The following TENM3 variants were observed in gnomAD, a reference collection of about 807,000 sequenced individuals.
The protein encoded by TENM3 is teneurin-3.
A neutral mutation model predicts 255.1 loss-of-function variants in TENM3; 63 were observed. That is an observed-to-expected ratio of 0.25 (90% CI 0.20 to 0.30). TENM3 has a LOEUF of 0.30. Among genes scored for constraint, TENM3 ranks in the 10% least tolerant of loss-of-function variants. The probability of loss-of-function intolerance (pLI) is 1.00; values close to 1 mark genes in which losing one functional copy is unlikely to be tolerated. For missense variants in TENM3, 2,929 were observed against 3,461.1 expected (o/e 0.85, Z 3.86); for synonymous variants, 1,306 against 1,322.3 (o/e 0.99, Z 0.27).
chr4:182,067,082 GT>G, the TENM3 span, among the ~76,000 whole-genome samples: 1 of 152,098 alleles, frequency 6.6e-6, no homozygotes, highest in Non-Finnish European at 1.5e-5. Flanking sequence ...GGTCCTTTCT[GT>G]CTTTCCCCCT....
At chr4:182,100,816 T>TAC in the TENM3 span, among the ~76,000 whole-genome samples, 5 of 9,758 alleles carry the variant, frequency 5.1e-4, no homozygotes, top group African/African-American at 1.2e-3. Flanking sequence ...TACACATATA[T>TAC]ATACACATAT....
rs563623242 is a variant in TENM3 at position 182,432,947 on chromosome 4, A to C, written c.511+86018A>C. On this transcript the variant is annotated intron_variant, in intron 3 of 27. Transcript: ENST00000511685. The stretch of plus-strand genomic sequence containing the variant: ...GGTGATCTGCCTGCCTTGGCATCCC[A>C]AAGTGCTGGGATTACAGGCTTGAGC... Among the ~76,000 whole-genome samples, 3 of 150,720 alleles carry C rather than the reference A, an allele frequency of 2.0e-5. No homozygotes were observed. In the South Asian group the frequency reaches 6.3e-4, roughly 32 times the overall value.
intron 1 of TENM3, among the ~76,000 whole-genome samples, chr4:182,178,485 T>G (rs1752653154): frequency 6.6e-6 from 1 of 152,298 alleles, no homozygotes; most frequent in Admixed American, 6.5e-5. Context: ...TAAAGAAATA[T>G]GAACCTACAA....
intron 3 of TENM3, among the ~76,000 whole-genome samples, chr4:182,366,361 A>T (rs1766430072): frequency 6.6e-6 from 1 of 151,700 alleles, no homozygotes; most frequent in African/African-American, 2.4e-5. Context: ...ATTTATATGT[A>T]CAAATATAAT....
the TENM3 span, among the ~76,000 whole-genome samples, chr4:181,545,840 T>G: frequency 6.6e-6 from 1 of 151,448 alleles, no homozygotes; most frequent in South Asian, 2.1e-4. Context: ...TGACATACTT[T>G]GATTTGAAGA....
the TENM3 span, among the ~76,000 whole-genome samples, chr4:181,945,520 C>G: frequency 3.9e-5 from 6 of 152,012 alleles, no homozygotes; most frequent in East Asian, 1.2e-3. Flanking sequence ...AATTTTAGTT[C>G]CGATTGCCTG....
chr4:182,258,867 A>G (rs1427811548), intron 1 of TENM3, among the ~76,000 whole-genome samples: 1 of 152,192 alleles, frequency 6.6e-6, no homozygotes, highest in Non-Finnish European at 1.5e-5. Flanking sequence ...GAGAAGGACA[A>G]AGCTTTGGTT....
chr4:182,182,168 A>G (rs1752878389), intron 1 of TENM3, among the ~76,000 whole-genome samples: 2 of 152,154 alleles, frequency 1.3e-5, no homozygotes, highest in Admixed American at 1.3e-4. Flanking sequence ...TTCAGACGTG[A>G]TTTTAACAAA....
the TENM3 span, among the ~76,000 whole-genome samples, chr4:181,816,058 GT>G: frequency 2.6e-5 from 4 of 152,132 alleles, no homozygotes; most frequent in Non-Finnish European, 5.9e-5. Context: ...TTTCTTTTGA[GT>G]TGGCAATGCC....
intron 1 of TENM3, among the ~76,000 whole-genome samples, chr4:182,161,747 GTA>G (rs1751261433): frequency 6.9e-5 from 3 of 43,732 alleles, no homozygotes; most frequent in Admixed American, 2.6e-4. Context: ...AAATATATGT[GTA>G]TATATATACA....
intron 3 of TENM3, among the ~76,000 whole-genome samples, chr4:182,531,125 A>C (rs2151839501): frequency 6.6e-6 from 1 of 152,280 alleles, no homozygotes; most frequent in South Asian, 2.1e-4. Context: ...GTGAGAAGAA[A>C]TCAAGGAGCC....
chr4:182,256,524 A>G (rs1193356237), intron 1 of TENM3, among the ~76,000 whole-genome samples: 8 of 152,208 alleles, frequency 5.3e-5, no homozygotes, highest in Admixed American at 3.9e-4. Context: ...TCTGCCTTTT[A>G]AGATCCTAAA....
chr4:181,533,750 AC>A, the TENM3 span, among the ~76,000 whole-genome samples: 29 of 151,678 alleles, frequency 1.9e-4, no homozygotes, highest in Non-Finnish European at 3.1e-4. Flanking sequence ...AAAAAAAAAA[AC>A]TTTCATTAGT....
chr4:182,245,316 G>A (rs7696796), intron 1 of TENM3, among the ~76,000 whole-genome samples: 54,638 of 151,980 alleles, frequency 0.36, 11,928 homozygotes, highest in African/African-American at 0.62. Flanking sequence ...AGCATCCTCC[G>A]GCATCATTTA....
chr4:181,850,515 C>T, the TENM3 span, among the ~76,000 whole-genome samples: 3 of 151,842 alleles, frequency 2.0e-5, no homozygotes, highest in Admixed American at 6.6e-5. Flanking sequence ...AACAAAAATC[C>T]ATATTTCTAT....
At chr4:181,762,724 A>T in the TENM3 span, among the ~76,000 whole-genome samples, 4 of 152,148 alleles carry the variant, frequency 2.6e-5, no homozygotes, top group African/African-American at 9.7e-5. Context: ...CATTATCAAA[A>T]CTTCTTATTT....
the TENM3 span, among the ~76,000 whole-genome samples, chr4:181,495,601 T>G: frequency 6.6e-6 from 1 of 151,806 alleles, no homozygotes; most frequent in Non-Finnish European, 1.5e-5. Flanking sequence ...TTAAAAGACA[T>G]TGAAATATCA....
At chr4:181,670,501 G>A in the TENM3 span, among the ~76,000 whole-genome samples, 1 of 152,156 alleles carries the variant, frequency 6.6e-6, no homozygotes, top group Non-Finnish European at 1.5e-5. Context: ...AAAAGGCAGT[G>A]AATCTTGTGG....
the TENM3 span, among the ~76,000 whole-genome samples, chr4:182,108,122 C>T: frequency 6.6e-4 from 100 of 152,296 alleles, no homozygotes; most frequent in Non-Finnish European, 1.1e-3. Flanking sequence ...CTTGTCACTC[C>T]GTTTACAGCA....
Sources: gnomAD v4.1 joint callset for allele counts (sites outside exome capture counted in the v4.1 genomes callset) on GRCh38, gnomAD v4.1.1 for gene constraint, MANE v1.5 for transcripts, NCBI Gene and HGNC (gene_info 2026-07-23, HGNC 2026-07-21) for gene names.